HBS1L: variants seen among roughly 807,000 people sequenced by gnomAD.
HBS1L encodes HBS1-like protein.
HBS1L carries 55 observed loss-of-function variants against 88.9 expected under a neutral mutation model. That is an observed-to-expected ratio of 0.62 (90% CI 0.50 to 0.77). The LOEUF (loss-of-function observed/expected upper bound fraction) is 0.77, where lower values mean the gene tolerates loss of function less well. Among genes scored for constraint, HBS1L ranks in the 30% least tolerant of loss-of-function variants. The pLI, the probability that HBS1L is intolerant of heterozygous loss-of-function variation, is 0.00. For missense variants in HBS1L, 741 were observed against 829.3 expected, an observed-to-expected ratio of 0.89 and a Z score of 1.31; for synonymous variants, 267 against 288.5, an observed-to-expected ratio of 0.93 and a Z score of 0.76.
intron 4 of HBS1L, among the ~76,000 whole-genome samples, chr6:135,032,198 C>T (rs974668541): frequency 6.6e-6 from 1 of 151,878 alleles, no homozygotes; most frequent in East Asian, 1.9e-4. Context: ...GTACTTTCAG[C>T]ATAAATGAGT....
intron 4 of HBS1L, among the ~76,000 whole-genome samples, chr6:135,013,277 G>A (rs763952695): frequency 2.0e-5 from 3 of 152,202 alleles, no homozygotes; most frequent in Non-Finnish European, 2.9e-5. Context: ...CACACAGTCC[G>A]TGGGTCTCTG....
chr6:135,034,187 C>T (rs1485202327), intron 4 of HBS1L, among the ~76,000 whole-genome samples: 1 of 150,258 alleles, frequency 6.7e-6, no homozygotes, highest in Non-Finnish European at 1.5e-5. Context: ...CTTTTCCCAT[C>T]AAAATACTGA....
intron 8 of HBS1L, among the ~76,000 whole-genome samples, chr6:134,992,086 T>A (rs934425480): frequency 2.6e-5 from 4 of 152,168 alleles, no homozygotes; most frequent in Non-Finnish European, 4.4e-5. Flanking sequence ...AATATTTTAA[T>A]GAGTAGATCC....
intron 16 of HBS1L, among the ~76,000 whole-genome samples, chr6:134,967,749 A>G (rs1181148762): frequency 6.6e-6 from 1 of 152,172 alleles, no homozygotes; most frequent in African/African-American, 2.4e-5. Context: ...ATGTAAACCA[A>G]CTGACTAGGT....
chr6:134,985,260 T>C (rs1774944462), intron 12 of HBS1L, 81 bp downstream of exon 12: 1 of 822,440 alleles, frequency 1.2e-6, no homozygotes, highest in South Asian at 1.9e-5. Context: ...TATACTGTCA[T>C]AACTTAGTCC....
chr6:135,043,518 C>T (rs1245214067), intron 2 of HBS1L, among the ~76,000 whole-genome samples: 3 of 152,146 alleles, frequency 2.0e-5, no homozygotes, highest in African/African-American at 4.8e-5. Flanking sequence ...CACCTATACT[C>T]GGAAGGTTAA....
rs1775854085 is a variant in HBS1L at position 135,014,255 on chromosome 6, AAC to A, written c.431-11415_431-11414del. ...CTCCTTTCATTCAGCACAAAATTAC[AAC>A]AGTCCATAAAGGAACTCTGCTTCCT... On this transcript the variant is annotated intron_variant, in intron 4 of 17. Coordinates refer to ENST00000367837, the MANE Select transcript of HBS1L (RefSeq NM_006620.4). Among the ~76,000 whole-genome samples, 5 of 152,328 alleles carry A rather than the reference AAC, an allele frequency of 3.3e-5. No homozygotes were observed. In the South Asian group the frequency reaches 1.0e-3, roughly 32 times the overall value.
chr6:134,996,818 T>C lies in HBS1L; in HGVS notation c.924A>G (p.Ala308=), dbSNP rs1026982201. The C allele has an allele frequency of 1.2e-6, 2 of 1,611,498 alleles. No individual in the cohort carries two copies. The highest frequency in any genetic ancestry group is 1.7e-5 in the Admixed American group (1 of 59,428). The change falls in exon 7 of 18, where the codon GCA becomes GCG. Residue 308 remains alanine (A), a synonymous_variant. Coordinates refer to ENST00000367837, the MANE Select transcript of HBS1L (RefSeq NM_006620.4). ...CAGTTTCATCCAAGACCCATGCATATGCAAACGAAGCTTTGCCAGCCTTTT... is the reference window on the plus strand; with the variant it reads ...CAGTTTCATCCAAGACCCATGCATACGCAAACGAAGCTTTGCCAGCCTTTT... ...ESKKAGKASF[A]YAWVLDETGE... is the part of the protein sequence containing the mutation.
intron 7 of HBS1L, 130 bp downstream of exon 7, chr6:134,996,647 T>C (rs577103539): frequency 8.1e-6 from 5 of 616,312 alleles, no homozygotes; most frequent in Admixed American, 3.4e-5. Context: ...AGTTCCCTGA[T>C]ATCTAAAAGC....
At chr6:134,968,079 C>T (rs1249502510) in intron 16 of HBS1L, among the ~76,000 whole-genome samples, 1 of 152,118 alleles carries the variant, frequency 6.6e-6, no homozygotes, top group Non-Finnish European at 1.5e-5. Context: ...TATTAACCCA[C>T]TAACCACATT....
intron 4 of HBS1L, chr6:135,035,846 A>G (rs1776530021): frequency 4.1e-6 from 3 of 739,362 alleles, no homozygotes; most frequent in East Asian, 1.3e-4. Flanking sequence ...TTCAAAGAAC[A>G]TGCAACCATA....
intron 4 of HBS1L, among the ~76,000 whole-genome samples, chr6:135,015,872 C>G (rs535249507): frequency 6.9e-6 from 1 of 144,114 alleles, no homozygotes; most frequent in African/African-American, 2.6e-5. Context: ...CATGAGCTAA[C>G]GAGCCCAGCC....
In HBS1L at chr6:134,986,796, T is replaced by C. The variant is rs998221540; in HGVS notation, c.1245A>G (p.Gln415=). 3.8e-6 allele frequency: 6 copies of C among 1,562,002 alleles called. No homozygotes were observed. In the African/African-American group the frequency reaches 5.5e-5, roughly 14 times the overall value. The change falls in exon 10 of 18, where the codon CAA becomes CAG. Residue 415 remains glutamine (Q), a synonymous_variant. Transcript: ENST00000367837. ...VNKMDQVNWQ[Q]ERFQEITGKL... is the part of the protein sequence containing the mutation. Reference sequence around the variant, plus strand: ...TTCCAGTAATCTCTTGAAACCTTTCTTGTTGCCAATTAACCTGATAAAGAT... The same window carrying C: ...TTCCAGTAATCTCTTGAAACCTTTCCTGTTGCCAATTAACCTGATAAAGAT...
At chr6:134,998,778 T>C (rs1256480342) in intron 5 of HBS1L, among the ~76,000 whole-genome samples, 2 of 152,222 alleles carry the variant, frequency 1.3e-5, no homozygotes, top group African/African-American at 4.8e-5. Context: ...TAGTTATATT[T>C]GCAACTTTAT....
At position 135,044,774 on chromosome 6, in the gene HBS1L, C is replaced by G. The variant is rs111699531; in HGVS notation, c.110-2648G>C. Among the ~76,000 whole-genome samples, 922 of 152,274 alleles carry G rather than the reference C, an allele frequency of 6.1e-3. 9 individuals carry two copies. Among genetic ancestry groups the G allele is most frequent in the African/African-American group, 0.018 (742 of 41,564 alleles). On this transcript the variant is annotated intron_variant, in intron 2 of 17. Coordinates refer to ENST00000367837, the MANE Select transcript of HBS1L (RefSeq NM_006620.4). ...GTAACAAACATCCTTCCCCCAACTT[C>G]TCCTCCTACCCATGAACTAGGAGGG...
intron 15 of HBS1L, among the ~76,000 whole-genome samples, chr6:134,974,882 T>C (rs1774598405): frequency 6.6e-6 from 1 of 152,142 alleles, no homozygotes; most frequent in South Asian, 2.1e-4. Flanking sequence ...ATCACTTCTA[T>C]TAAACACAGT....
intron 4 of HBS1L, among the ~76,000 whole-genome samples, chr6:135,021,661 T>C (rs1776074953): frequency 6.6e-6 from 1 of 152,156 alleles, no homozygotes; most frequent in African/African-American, 2.4e-5. Context: ...TGCTTATCAC[T>C]TAACAAGATT....
In HBS1L at chr6:134,993,865, T is replaced by C. The variant is rs749340883; in HGVS notation, c.976A>G (p.Met326Val). Residue 326 changes from methionine to valine, a missense_variant, in exon 8 of 18, where the codon ATG becomes GTG. By Grantham distance (21) the Met-to-Val change is conservative. Around this residue, in one of 3 missense-constraint regions of HBS1L, gnomAD observed 556 missense variants for 598.4 expected, o/e 0.93. Transcript: ENST00000367837. ...TCAAACTTTGTCATACCAACATCCA[T>C]GGTTACTCCCCTTAAACAAAACATA... ...TGEERERGVT[M>V]DVGMTKFETT... The C allele has an allele frequency of 7.0e-6, 11 of 1,566,072 alleles. No homozygotes were observed. Among genetic ancestry groups the C allele is most frequent in the South Asian group, 3.4e-5 (3 of 88,358 alleles).
chr6:134,994,850 T>G (rs574823296), intron 7 of HBS1L, among the ~76,000 whole-genome samples: 1 of 152,144 alleles, frequency 6.6e-6, no homozygotes, highest in South Asian at 2.1e-4. Context: ...CCTCAGGAAT[T>G]TAAACAGGGA....
Sources: gnomAD v4.1 joint callset for allele counts (sites outside exome capture counted in the v4.1 genomes callset) on GRCh38, gnomAD v4.1.1 for gene constraint, gnomAD v4.1.1 regional missense constraint, MANE v1.5 for transcripts, NCBI Gene and HGNC (gene_info 2026-07-23, HGNC 2026-07-21) for gene names.